Variants in CHMP3 observed in about 807,000 individuals in gnomAD.
CHMP3 encodes the protein charged multivesicular body protein 3, also known as 25.1 protein.
In CHMP3, 8 loss-of-function variants were observed where a neutral mutation model predicts 27.4. The ratio of observed to expected loss-of-function variants is 0.29; its 90% CI spans 0.17 to 0.53. The LOEUF is 0.53. CHMP3 is among the 20% of genes least tolerant of loss of function. The pLI is 0.96. For missense variants in CHMP3, 208 were observed against 271.5 expected, an observed-to-expected ratio of 0.77 and a Z score of 1.64; for synonymous variants, 86 against 85.5, an observed-to-expected ratio of 1.01 and a Z score of -0.03.
chr2:86,531,371 T>C (rs1675911396), intron 2 of CHMP3, among the ~76,000 whole-genome samples: 1 of 152,134 alleles, frequency 6.6e-6, no homozygotes, highest in Non-Finnish European at 1.5e-5. Flanking sequence ...TGTCTACTCT[T>C]TTTTATTTTT....
intron 1 of CHMP3, among the ~76,000 whole-genome samples, chr2:86,557,046 G>A (rs1045106874): frequency 6.6e-6 from 1 of 152,168 alleles, no homozygotes; most frequent in Non-Finnish European, 1.5e-5. Flanking sequence ...TTTTGCTGAG[G>A]ACACAAAGCA....
At chr2:86,509,637 A>G (rs1450358529) in intron 4 of CHMP3, among the ~76,000 whole-genome samples, 3 of 152,220 alleles carry the variant, frequency 2.0e-5, no homozygotes, top group Non-Finnish European at 4.4e-5. Context: ...TTCCTCTGTG[A>G]CAACTCACGT....
intron 1 of CHMP3, among the ~76,000 whole-genome samples, chr2:86,548,172 G>T (rs1676686692): frequency 6.8e-6 from 1 of 147,322 alleles, no homozygotes; most frequent in South Asian, 2.1e-4. Flanking sequence ...GTTAGAGGAG[G>T]AGTTCTCTTT....
At chr2:86,554,177 C>T (rs987057824) in intron 1 of CHMP3, among the ~76,000 whole-genome samples, 3 of 152,152 alleles carry the variant, frequency 2.0e-5, no homozygotes, top group Admixed American at 6.6e-5. Flanking sequence ...TACCTGTCAG[C>T]GCCTTAATCA....
intron 2 of CHMP3, among the ~76,000 whole-genome samples, chr2:86,534,048 T>C (rs1009384080): frequency 2.0e-5 from 3 of 152,184 alleles, no homozygotes; most frequent in East Asian, 3.9e-4. Flanking sequence ...AGAAGATACC[T>C]TATATATCTT....
chr2:86,510,137 A>G (rs755435051), intron 4 of CHMP3, among the ~76,000 whole-genome samples: 2 of 152,118 alleles, frequency 1.3e-5, no homozygotes, highest in Non-Finnish European at 2.9e-5. Context: ...AGCTCTGGGT[A>G]GACTTTTGCT....
At chr2:86,514,868 C>T (rs182692369) in intron 3 of CHMP3, among the ~76,000 whole-genome samples, 90 of 152,142 alleles carry the variant, frequency 5.9e-4, no homozygotes, top group Non-Finnish European at 7.4e-4. Flanking sequence ...AATTTTCGTA[C>T]ATATATTTTA....
At chr2:86,536,932 G>T (rs1676167723) in intron 2 of CHMP3, among the ~76,000 whole-genome samples, 1 of 150,916 alleles carries the variant, frequency 6.6e-6, no homozygotes, top group Admixed American at 6.6e-5. Flanking sequence ...TTGCTCTGTT[G>T]CCCATGCTGG....
chr2:86,542,069 C>G (rs1448103652), intron 2 of CHMP3, among the ~76,000 whole-genome samples, 183 bp downstream of exon 2: 1 of 152,022 alleles, frequency 6.6e-6, no homozygotes, highest in East Asian at 1.9e-4. Context: ...AAAGTTTCTT[C>G]TAACTCATTA....
intron 1 of CHMP3, among the ~76,000 whole-genome samples, chr2:86,556,907 T>A (rs575312350): frequency 3.3e-5 from 5 of 152,076 alleles, no homozygotes; most frequent in Admixed American, 6.5e-5. Flanking sequence ...CGGAACACCA[T>A]CCCTACTCCT....
At chr2:86,516,488 A>G (rs1229033984) in intron 3 of CHMP3, among the ~76,000 whole-genome samples, 1 of 152,220 alleles carries the variant, frequency 6.6e-6, no homozygotes, top group Non-Finnish European at 1.5e-5. Flanking sequence ...TGCCTAAAAT[A>G]AAAAATAGTG....
At chr2:86,556,379 GTA>G (rs1677122337) in intron 1 of CHMP3, among the ~76,000 whole-genome samples, 1 of 152,174 alleles carries the variant, frequency 6.6e-6, no homozygotes, top group Admixed American at 6.5e-5. Context: ...TGTCAGCTGA[GTA>G]TATATCAGCT....
At chr2:86,545,749 G>A (rs749181090) in intron 1 of CHMP3, among the ~76,000 whole-genome samples, 15 of 144,482 alleles carry the variant, frequency 1.0e-4, no homozygotes, top group South Asian at 2.2e-4. Flanking sequence ...GGGCAGAGGC[G>A]CTCCTCACTT....
chr2:86,539,928 T>A lies in CHMP3; in HGVS notation c.106+2324A>T, dbSNP rs1470030940. 2.0e-5 allele frequency among the ~76,000 whole-genome samples: 3 copies of A among 152,114 alleles called. No individual in the cohort carries two copies. In the East Asian group the frequency reaches 5.8e-4, roughly 29 times the overall value. On this transcript the variant is annotated intron_variant, in intron 2 of 5. Transcript: ENST00000263856. ...TCTTTCTGGCTTTTGTTTGAAAATA[T>A]CTTTATTTCACCTTCACCTATGAAT...
chr2:86,553,894 T>C (rs1434945638), intron 1 of CHMP3, among the ~76,000 whole-genome samples: 2 of 152,224 alleles, frequency 1.3e-5, no homozygotes, highest in Non-Finnish European at 2.9e-5. Context: ...AATAGCAAAG[T>C]GCTATCAACA....
Position 86,505,889 on chromosome 2 carries a change from C to G in CHMP3, c.584G>C (p.Gly195Ala). ...CTCATCCTCTGAGGCAGCCATCGCT[C>G]CTGGAGGTTCTGGCTCTGGAAGGGC... ...TDALPEPEPP[G>A]AMAASEDEEE... Residue 195 changes from glycine to alanine, a missense_variant, in exon 6 of 6, where the codon GGA becomes GCA. Physicochemically the swap from Gly to Ala is moderately conservative, Grantham distance 60 (BLOSUM62 0). Around this residue, in one of 3 missense-constraint regions of CHMP3, gnomAD observed 62 missense variants for 68.4 expected, o/e 0.91. Transcript: ENST00000263856. 1.3e-6 allele frequency: 2 copies of G among 1,596,564 alleles called. No homozygotes were observed. Among genetic ancestry groups the G allele is most frequent in the Non-Finnish European group, 1.7e-6 (2 of 1,170,480 alleles).
At chr2:86,517,510 G>A (rs941863646) in intron 3 of CHMP3, among the ~76,000 whole-genome samples, 4 of 145,068 alleles carry the variant, frequency 2.8e-5, no homozygotes, top group African/African-American at 1.0e-4. Flanking sequence ...AGCTTGCAGT[G>A]AGCCAAGATC....
rs190760321 is a variant in CHMP3 at position 86,532,736 on chromosome 2, C to G, written c.107-3339G>C. Among the ~76,000 whole-genome samples, 347 of 152,262 alleles carry G rather than the reference C, an allele frequency of 2.3e-3. 2 individuals are homozygous for G. The highest frequency in any genetic ancestry group is 3.4e-3 in the Non-Finnish European group (230 of 67,996). ...CATGCTGTTAATGTGATATATTACACTGATCAAATTTTACATGTTGAATCA... is the reference window on the plus strand; with the variant it reads ...CATGCTGTTAATGTGATATATTACAGTGATCAAATTTTACATGTTGAATCA... On this transcript the variant is annotated intron_variant, in intron 2 of 5. Transcript: ENST00000263856.
intron 5 of CHMP3, among the ~76,000 whole-genome samples, chr2:86,506,550 C>G (rs138560632): frequency 1.6e-4 from 24 of 151,546 alleles, no homozygotes; most frequent in African/African-American, 5.8e-4. Context: ...TCTATACCAT[C>G]TATCACAATA....
Sources: allele counts gnomAD v4.1 joint callset (sites outside exome capture counted in the v4.1 genomes callset), GRCh38; gene constraint gnomAD v4.1.1; regional missense constraint gnomAD v4.1.1; transcripts MANE v1.5; gene names NCBI Gene and HGNC (gene_info 2026-07-23, HGNC 2026-07-21).